Variants in PAPPA observed in about 807,000 individuals in gnomAD.
PAPPA encodes pappalysin-1.
In PAPPA, 60 loss-of-function variants were observed where a neutral mutation model predicts 164.0. The ratio of observed to expected loss-of-function variants is 0.37; its 90% confidence interval spans 0.30 to 0.45. The LOEUF (loss-of-function observed/expected upper bound fraction) is 0.45, where lower values mean the gene tolerates loss of function less well. Ranked by LOEUF, PAPPA falls within the 20% of genes least tolerant of loss-of-function variation. The pLI, the probability that PAPPA is intolerant of heterozygous loss-of-function variation, is 1.00. For synonymous variants in PAPPA, 875 were observed against 814.1 expected (o/e 1.07, Z -1.27); for missense variants, 1,782 against 2,087.3 (o/e 0.85, Z 2.85).
rs1843582397 is a variant in PAPPA at position 116,154,831 on chromosome 9, G to A, written c.415+244G>A. 1.3e-5 allele frequency among the ~76,000 whole-genome samples: 2 copies of A among 152,168 alleles called. No individual in the cohort carries two copies. Among genetic ancestry groups the A allele is most frequent in the South Asian group, 4.1e-4 (2 of 4,824 alleles). On this transcript the variant is annotated intron_variant, in intron 1 of 21. Transcript: ENST00000328252. This position sits in a 1 kb window ranked among gnomAD's most constrained non-coding sequence, Gnocchi z 5.2. ...GAGGAACCTGGGGAGCCCTCCTGGC[G>A]GCCCCGCGGACCCTCGGCCAGTGAG...
chr9:116,294,642 C>G (rs780417270), intron 9 of PAPPA, among the ~76,000 whole-genome samples: 1 of 152,164 alleles, frequency 6.6e-6, no homozygotes, highest in Non-Finnish European at 1.5e-5. Flanking sequence ...TCCCCCTGTT[C>G]CAAGAAACTA....
chr9:116,281,909 C>T (rs569358375), intron 9 of PAPPA, among the ~76,000 whole-genome samples: 6 of 152,210 alleles, frequency 3.9e-5, no homozygotes, highest in East Asian at 1.9e-4. Flanking sequence ...CCACTTTACA[C>T]GAGGAGAAGT....
chr9:116,167,955 G>A (rs922356639), intron 1 of PAPPA, among the ~76,000 whole-genome samples: 2 of 152,158 alleles, frequency 1.3e-5, no homozygotes, highest in African/African-American at 2.4e-5. Context: ...AGCTAAGTGA[G>A]TAAGGTTAAG....
intron 14 of PAPPA, 100 bp downstream of exon 14, chr9:116,344,811 A>G: frequency 1.0e-6 from 1 of 984,426 alleles, no homozygotes; most frequent in Non-Finnish European, 1.5e-6. Context: ...CACTTAAAAT[A>G]GTGCTGCCAC....
intron 21 of PAPPA, among the ~76,000 whole-genome samples, chr9:116,387,647 T>C (rs1182958570): frequency 6.6e-6 from 1 of 152,232 alleles, no homozygotes; most frequent in Non-Finnish European, 1.5e-5. Context: ...AGTGCTGGGA[T>C]CACAGATGTG....
At chr9:116,263,090 CTT>C in intron 7 of PAPPA, among the ~76,000 whole-genome samples, 1 of 152,086 alleles carries the variant, frequency 6.6e-6, no homozygotes, top group East Asian at 1.9e-4. Context: ...AATCTGAAAA[CTT>C]GGGATAACAA....
intron 2 of PAPPA, among the ~76,000 whole-genome samples, chr9:116,196,371 C>G (rs1844103777): frequency 6.6e-6 from 1 of 152,174 alleles, no homozygotes; most frequent in African/African-American, 2.4e-5. Flanking sequence ...ATGCTCAGCA[C>G]TCTCATTTTC....
chr9:116,399,529 A>G lies in PAPPA; in HGVS notation c.*2913A>G, dbSNP rs370985820. ...CACTGAGAGGCAGCTCTGATGCACT[A>G]TTGTGTGTCAGCAGCTCAAAGGCCC... is the stretch of plus-strand genomic sequence containing the variant. On this transcript the variant is annotated 3_prime_UTR_variant, in exon 22 of 22. Transcript: ENST00000328252. 6.6e-6 allele frequency: 1 copy of G among 152,666 alleles called. No homozygotes were observed. The highest frequency in any genetic ancestry group is 2.4e-5 in the African/African-American group (1 of 41,536). The allele number at this position is 152,666 out of a possible 1,614,324, so 9.5% of individuals were successfully genotyped here. A position where few individuals can be genotyped will look rare whatever the true frequency, so the allele number is the denominator to read the frequency against.
chr9:116,279,424 T>A (rs1845241129), intron 9 of PAPPA, among the ~76,000 whole-genome samples: 1 of 151,964 alleles, frequency 6.6e-6, no homozygotes, highest in African/African-American at 2.4e-5. Flanking sequence ...AGACCAAGGC[T>A]TACCACCTCC....
chr9:116,210,718 G>C (rs1398535468), intron 3 of PAPPA, among the ~76,000 whole-genome samples: 2 of 152,030 alleles, frequency 1.3e-5, no homozygotes, highest in African/African-American at 4.8e-5. Context: ...ATAGACCATT[G>C]CTTCTCAAAC....
chr9:116,165,115 G>C (rs765366070), intron 1 of PAPPA, among the ~76,000 whole-genome samples: 1 of 152,170 alleles, frequency 6.6e-6, no homozygotes, highest in Non-Finnish European at 1.5e-5. Flanking sequence ...GTGTCACAAA[G>C]CAAACAACTT....
At chr9:116,265,132 T>A (rs188512910) in intron 7 of PAPPA, among the ~76,000 whole-genome samples, 2 of 152,318 alleles carry the variant, frequency 1.3e-5, no homozygotes, top group African/African-American at 4.8e-5. Flanking sequence ...TAATAGCATA[T>A]GATTGTAAGC....
At chr9:116,391,129 C>T (rs1326226820) in intron 21 of PAPPA, among the ~76,000 whole-genome samples, 2 of 152,134 alleles carry the variant, frequency 1.3e-5, no homozygotes, top group African/African-American at 4.8e-5. Flanking sequence ...CTCTAATTTA[C>T]CCATATTTTT....
intron 14 of PAPPA, 115 bp downstream of exon 14, chr9:116,344,826 T>A (rs1846187069): frequency 1.3e-6 from 1 of 768,382 alleles, no homozygotes; most frequent in Non-Finnish European, 2.1e-6. Context: ...TGCCACATAG[T>A]AGGTGCTCAA....
chr9:116,191,487 T>G (rs1009241982), intron 2 of PAPPA, among the ~76,000 whole-genome samples: 2 of 152,200 alleles, frequency 1.3e-5, no homozygotes, highest in African/African-American at 2.4e-5. Context: ...ATTGGGCATG[T>G]CTATCCCACC....
chr9:116,321,235 G>A (rs1362254348), intron 10 of PAPPA, among the ~76,000 whole-genome samples: 3 of 151,874 alleles, frequency 2.0e-5, no homozygotes, highest in East Asian at 1.9e-4. Flanking sequence ...CACCGTGTTA[G>A]CCAAGATGGT....
intron 10 of PAPPA, 129 bp downstream of exon 10, chr9:116,303,079 T>C (rs7857793): frequency 0.097 from 63,789 of 657,886 alleles, 3,491 homozygotes; most frequent in South Asian, 0.16. Flanking sequence ...TTAAATGTAC[T>C]GTTAGGGCTT....
chr9:116,160,952 G>T (rs1235604612), intron 1 of PAPPA, among the ~76,000 whole-genome samples: 1 of 152,190 alleles, frequency 6.6e-6, no homozygotes, highest in Non-Finnish European at 1.5e-5. Context: ...CTTAACCACT[G>T]GGGCCTCAGG....
At position 116,347,204 on chromosome 9, in the gene PAPPA, T is replaced by G. The variant is rs777000395; in HGVS notation, c.3959T>G (p.Leu1320Trp). The G allele has an allele frequency of 6.2e-7, 1 of 1,607,894 alleles. No individual in the cohort carries two copies. Among genetic ancestry groups the G allele is most frequent in the Admixed American group, 1.7e-5 (1 of 59,318 alleles). The part of the protein sequence containing the change: ...CSFQCRHPAQ[L>W]KGNNSLLTCM... Reference sequence around the variant, plus strand: ...TTCCAGTGCCGTCACCCTGCACAATTGAAAGGTATCAAGAACGCCTTCCCC... The same window carrying G: ...TTCCAGTGCCGTCACCCTGCACAATGGAAAGGTATCAAGAACGCCTTCCCC... Residue 1320 changes from leucine (L) to tryptophan (W), a missense_variant, in exon 15 of 22, where the codon TTG (leucine) becomes TGG (tryptophan). This residue lies in a region of PAPPA where 1,324 missense variants were observed against 1,656.9 expected (regional missense o/e 0.80). Transcript: ENST00000328252. The surrounding 1 kb of genome is among the most constrained non-coding windows in gnomAD (Gnocchi z 4.5).
Sources: gnomAD v4.1 joint callset for allele counts (sites outside exome capture counted in the v4.1 genomes callset) on GRCh38, gnomAD v4.1.1 for gene constraint, gnomAD v4.1.1 regional missense constraint, Gnocchi (gnomAD v3.1) non-coding constraint, MANE v1.5 for transcripts, NCBI Gene and HGNC (gene_info 2026-07-23, HGNC 2026-07-21) for gene names.